The following SLC29A4 variants were observed in gnomAD, a reference collection of about 807,000 sequenced individuals.
SLC29A4 encodes equilibrative nucleoside transporter 4.
SLC29A4 carries 36 observed loss-of-function variants against 43.9 expected under a neutral mutation model. The ratio of observed to expected loss-of-function variants is 0.82; its 90% CI spans 0.63 to 1.08. The LOEUF (loss-of-function observed/expected upper bound fraction) is 1.08. Ranked by LOEUF, SLC29A4 falls within the 50% of genes least tolerant of loss-of-function variation. SLC29A4 has a pLI of 0.00. For synonymous variants in SLC29A4, 491 were observed against 338.0 expected (o/e 1.45, Z -4.97); for missense variants, 869 against 755.3 (o/e 1.15, Z -1.77).
chr7:5,285,962 A>G (rs1784917630), intron 1 of SLC29A4, among the ~76,000 whole-genome samples: 1 of 152,070 alleles, frequency 6.6e-6, no homozygotes, highest in African/African-American at 2.4e-5. Context: ...GTGAGTTGTG[A>G]TCGCGCCACT....
At chr7:5,283,496 G>T (rs948096564) in intron 1 of SLC29A4, among the ~76,000 whole-genome samples, 1 of 152,168 alleles carries the variant, frequency 6.6e-6, no homozygotes, top group African/African-American at 2.4e-5. Flanking sequence ...CGGCCCAGGG[G>T]GTCTGTCCTT....
At position 5,294,774 on chromosome 7, in the gene SLC29A4, C is replaced by T; in HGVS notation, c.545-86C>T. On this transcript the variant is annotated intron_variant, in intron 5 of 10. Coordinates refer to ENST00000396872, the MANE Select transcript of SLC29A4 (RefSeq NM_153247.4). ...TTAACGGCTGTTTACGCACCCTCGT[C>T]CACCAACACAGTTCTCTAGTGCATT... 2.2e-6 allele frequency: 3 copies of T among 1,390,030 alleles called. No homozygotes were observed. In the South Asian group the frequency reaches 3.5e-5, roughly 16 times the overall value. 86.1% of individuals were successfully genotyped at this position (1,390,030 alleles called of 1,614,324 possible). A position where few individuals can be genotyped will look rare whatever the true frequency, so the allele number is the denominator to read the frequency against.
At position 5,283,237 on chromosome 7, in the gene SLC29A4, G is replaced by A. The variant is rs897238607; in HGVS notation, c.-9+155G>A. Among the ~76,000 whole-genome samples the A allele has an allele frequency of 9.8e-3, 1,053 of 107,448 alleles. 16 individuals are homozygous for A. The highest frequency in any genetic ancestry group is 0.035 in the African/African-American group (1,005 of 29,034). 70.5% of individuals were successfully genotyped at this position (107,448 alleles called of 152,430 possible). On this transcript the variant is annotated intron_variant, in intron 1 of 10. Transcript: ENST00000396872. Reference sequence around the variant, plus strand: ...TGTCCCGGGAACCCGAGGCCACCCCGGCCGCGTCCTGAGCGGCCCAGCCCC... The same window carrying A: ...TGTCCCGGGAACCCGAGGCCACCCCAGCCGCGTCCTGAGCGGCCCAGCCCC...
intron 1 of SLC29A4, among the ~76,000 whole-genome samples, chr7:5,284,199 CAG>C (rs964213564): frequency 2.4e-4 from 37 of 152,286 alleles, no homozygotes; most frequent in Middle Eastern, 3.4e-3. Flanking sequence ...GCTTGGGCAA[CAG>C]AGCAAGACCC....
At chr7:5,290,697 G>A in intron 2 of SLC29A4, 35 bp from the exon 3 acceptor site, 5 of 1,585,982 alleles carry the variant, frequency 3.2e-6, no homozygotes, top group South Asian at 1.1e-5. Context: ...CATGCGTGGA[G>A]CGTGCCCCGT....
Position 5,300,523 on chromosome 7 carries a change from C to T in SLC29A4, c.1311C>T (p.Pro437=), listed in dbSNP as rs1427735971. 7 of 1,612,134 alleles carry T rather than the reference C, an allele frequency of 4.3e-6. No individual in the cohort carries two copies. Among genetic ancestry groups the T allele is most frequent in the East Asian group, 4.5e-5 (2 of 44,888 alleles). Residue 437 remains proline, a synonymous_variant, in exon 10 of 11, where the codon CCC becomes CCT. Transcript: ENST00000396872. ...CCCTCTTCATCCTGTGCGTCTACCC[C>T]AGCGGCATGCCCGCCCTCCGTCACC... ...FIPLFILCVY[P]SGMPALRHPA...
At chr7:5,292,077 G>T (rs901816481) in intron 5 of SLC29A4, among the ~76,000 whole-genome samples, 2 of 152,202 alleles carry the variant, frequency 1.3e-5, no homozygotes, top group Admixed American at 6.5e-5. Context: ...TATAAACAGG[G>T]CTTCAAAGAC....
At position 5,298,120 on chromosome 7, in the gene SLC29A4, G is replaced by C. The variant is rs1252254698; in HGVS notation, c.883-868G>C. Among the ~76,000 whole-genome samples, 3 of 152,300 alleles carry C rather than the reference G, an allele frequency of 2.0e-5. No individual in the cohort carries two copies. The East Asian group carries it at 5.8e-4, about 29-fold the overall frequency. On this transcript the variant is annotated intron_variant, in intron 7 of 10. Transcript: ENST00000396872. ...TTCCTGAGGGTCGGGAACCAGAATG[G>C]TCATGCAGGCCTTGATCCAGTGAGT...
chr7:5,283,539 G>A (rs1054392147), intron 1 of SLC29A4, among the ~76,000 whole-genome samples: 37 of 152,262 alleles, frequency 2.4e-4, no homozygotes, highest in Middle Eastern at 3.4e-3. Context: ...AGCCAACTTT[G>A]CGGCTGATGA....
chr7:5,297,485 C>T (rs1209172291), intron 7 of SLC29A4, among the ~76,000 whole-genome samples: 1 of 152,252 alleles, frequency 6.6e-6, no homozygotes, highest in Non-Finnish European at 1.5e-5. Flanking sequence ...TGCATGGCCC[C>T]TGTCCTTAGT....
At chr7:5,301,018 G>A (rs1254487807) in intron 10 of SLC29A4, among the ~76,000 whole-genome samples, 1 of 152,186 alleles carries the variant, frequency 6.6e-6, no homozygotes, top group Non-Finnish European at 1.5e-5. Context: ...CAGCACTTTG[G>A]AAGGGCAAAG....
chr7:5,300,389 G>C lies in SLC29A4; in HGVS notation c.1210-33G>C, dbSNP rs191174724. 7 of 1,609,530 alleles carry C rather than the reference G, an allele frequency of 4.3e-6. No homozygotes were observed. In the South Asian group the frequency reaches 6.6e-5, roughly 15 times the overall value. On this transcript the variant is annotated intron_variant, in intron 9 of 10. Coordinates refer to ENST00000396872, the MANE Select transcript of SLC29A4 (RefSeq NM_153247.4). ...TGTGAGGCGAGTGGGGCTGTGGCCG[G>C]GACAGGGCGCCCACTTGCCTGGCTC... is the stretch of plus-strand genomic sequence containing the variant.
intron 10 of SLC29A4, among the ~76,000 whole-genome samples, chr7:5,302,304 G>C (rs368829118): frequency 7.2e-5 from 11 of 152,250 alleles, no homozygotes; most frequent in Non-Finnish European, 1.3e-4. Flanking sequence ...GGCTCAGGAC[G>C]GTGTTTTGGG....
At chr7:5,284,532 G>A (rs1434431987) in intron 1 of SLC29A4, among the ~76,000 whole-genome samples, 2 of 152,172 alleles carry the variant, frequency 1.3e-5, no homozygotes, top group Admixed American at 1.3e-4. Context: ...GAGGAGCAGG[G>A]CCAAGCCCTG....
chr7:5,290,167 C>G lies in SLC29A4; in HGVS notation c.170-565C>G, dbSNP rs576659846. Among the ~76,000 whole-genome samples, 7 of 152,132 alleles carry G rather than the reference C, an allele frequency of 4.6e-5. No individual in the cohort carries two copies. The East Asian group carries it at 1.4e-3, about 29-fold the overall frequency. Reference sequence around the variant, plus strand: ...TTCCTGGGTTCACGCCATTCTCCTGCCTCAGCCTCCCGAGTAGCTGGGACT... The same window carrying G: ...TTCCTGGGTTCACGCCATTCTCCTGGCTCAGCCTCCCGAGTAGCTGGGACT... On this transcript the variant is annotated intron_variant, in intron 2 of 10. Coordinates refer to ENST00000396872, the MANE Select transcript of SLC29A4 (RefSeq NM_153247.4).
At chr7:5,300,000 C>T (rs973658773) in intron 9 of SLC29A4, among the ~76,000 whole-genome samples, 4 of 152,064 alleles carry the variant, frequency 2.6e-5, no homozygotes, top group African/African-American at 9.7e-5. Flanking sequence ...TGTAGTGAGC[C>T]GAGATCGTGC....
intron 1 of SLC29A4, among the ~76,000 whole-genome samples, chr7:5,285,131 C>T (rs1354286198): frequency 6.6e-6 from 1 of 152,156 alleles, no homozygotes; most frequent in East Asian, 1.9e-4. Context: ...GACTCTCTGG[C>T]GCCTCCCAAC....
At chr7:5,283,893 C>G (rs1344743728) in intron 1 of SLC29A4, among the ~76,000 whole-genome samples, 1 of 152,194 alleles carries the variant, frequency 6.6e-6, no homozygotes, top group Non-Finnish European at 1.5e-5. Context: ...GAGCGCGGCC[C>G]CCGAGTGAGG....
At chr7:5,299,845 A>T (rs1330708995) in intron 9 of SLC29A4, among the ~76,000 whole-genome samples, 1 of 152,210 alleles carries the variant, frequency 6.6e-6, no homozygotes, top group Non-Finnish European at 1.5e-5. Context: ...TGAGGCCAGG[A>T]GTTCTAGACC....
Sources: gnomAD v4.1 joint callset for allele counts (sites outside exome capture counted in the v4.1 genomes callset) on GRCh38, gnomAD v4.1.1 for gene constraint, MANE v1.5 for transcripts, NCBI Gene and HGNC (gene_info 2026-07-23, HGNC 2026-07-21) for gene names.